The following CTNNA3 variants were observed in gnomAD, a reference collection of about 807,000 sequenced individuals.
CTNNA3 encodes catenin alpha 3, also known as catenin alpha-3.
CTNNA3 carries 76 observed loss-of-function variants against 95.7 expected under a neutral mutation model. That is an observed-to-expected ratio of 0.79 (90% CI 0.66 to 0.96). The LOEUF is 0.96. Ranked by LOEUF, CTNNA3 falls within the 40% of genes least tolerant of loss-of-function variation. The pLI, the probability that CTNNA3 is intolerant of heterozygous loss-of-function variation, is 0.00. For synonymous variants in CTNNA3, 431 were observed against 374.4 expected (o/e 1.15, Z -1.74); for missense variants, 1,191 against 1,089.8 (o/e 1.09, Z -1.31).
chr10:66,449,433 C>A (rs187322802), intron 11 of CTNNA3, among the ~76,000 whole-genome samples: 1 of 152,128 alleles, frequency 6.6e-6, no homozygotes, highest in Non-Finnish European at 1.5e-5. Context: ...ATAATGTGGT[C>A]AAAATTACAT....
At position 66,103,314 on chromosome 10, in the gene CTNNA3, G is replaced by A. The variant is rs551603166; in HGVS notation, c.1885-65C>T. On this transcript the variant is annotated intron_variant, in intron 13 of 17. Transcript: ENST00000433211. The stretch of plus-strand genomic sequence containing the variant: ...AAGCATTTCTTCTTTGGAAAACAAC[G>A]CGGCAGTACCTTAAAAGGGTAATCA... 3.8e-4 allele frequency: 475 copies of A among 1,250,750 alleles called. 8 individuals are homozygous for A. The South Asian group carries it at 5.2e-3, about 14-fold the overall frequency. 77.5% of individuals were successfully genotyped at this position (1,250,750 alleles called of 1,614,324 possible).
At chr10:66,647,685 T>TTC (rs1035729351) in intron 9 of CTNNA3, among the ~76,000 whole-genome samples, 1 of 150,810 alleles carries the variant, frequency 6.6e-6, no homozygotes, top group African/African-American at 2.4e-5. Context: ...TAAATTTTTT[T>TTC]TTTTTTTGTA....
rs370797448 is a variant in CTNNA3 at position 66,338,470 on chromosome 10, G to A, written c.1732+40682C>T. Among the ~76,000 whole-genome samples the A allele has an allele frequency of 4.5e-4, 68 of 151,996 alleles. 1 individual carries two copies. In the South Asian group the frequency reaches 0.014, roughly 31 times the overall value. ...AGAATAAGCCTCAAAAAGTGCTTAG[G>A]CCATTTGGAAAGATCTCTTTTTAAC... is the stretch of plus-strand genomic sequence containing the variant. On this transcript the variant is annotated intron_variant, in intron 12 of 17. Coordinates refer to ENST00000433211, the MANE Select transcript of CTNNA3 (RefSeq NM_013266.4).
At chr10:67,449,035 C>G (rs1276551071) in intron 5 of CTNNA3, among the ~76,000 whole-genome samples, 1 of 151,678 alleles carries the variant, frequency 6.6e-6, no homozygotes, top group East Asian at 1.9e-4. Context: ...TACTATACAC[C>G]AACAACAGTC....
At chr10:67,039,370 T>C (rs1854260896) in intron 7 of CTNNA3, among the ~76,000 whole-genome samples, 2 of 152,098 alleles carry the variant, frequency 1.3e-5, no homozygotes, top group African/African-American at 4.8e-5. Flanking sequence ...AGACAAACAT[T>C]TCCCTGTGCA....
intron 7 of CTNNA3, among the ~76,000 whole-genome samples, chr10:66,824,592 C>T (rs933750219): frequency 6.6e-6 from 1 of 152,118 alleles, no homozygotes; most frequent in Non-Finnish European, 1.5e-5. Flanking sequence ...TCTATATAAT[C>T]CAAGCATAAA....
At position 66,967,267 on chromosome 10, in the gene CTNNA3, G is replaced by C. The variant is rs941104508; in HGVS notation, c.1048-191743C>G. 3.3e-5 allele frequency among the ~76,000 whole-genome samples: 5 copies of C among 151,522 alleles called. No homozygotes were observed. In the South Asian group the frequency reaches 1.0e-3, roughly 32 times the overall value. On this transcript the variant is annotated intron_variant, in intron 7 of 17. Coordinates refer to ENST00000433211, the MANE Select transcript of CTNNA3 (RefSeq NM_013266.4). ...ACAATTAAAACATTGTCTTATATAA[G>C]CCCAGGTCATCTGCTAGTGGATAGA...
At chr10:66,588,049 G>C (rs1303115019) in intron 10 of CTNNA3, among the ~76,000 whole-genome samples, 2 of 152,194 alleles carry the variant, frequency 1.3e-5, no homozygotes, top group Non-Finnish European at 2.9e-5. Flanking sequence ...GAGGTCCCCT[G>C]TGAGGTAGGA....
chr10:66,031,192 A>C (rs796281312), intron 15 of CTNNA3, among the ~76,000 whole-genome samples: 1 of 152,174 alleles, frequency 6.6e-6, no homozygotes, highest in Non-Finnish European at 1.5e-5. Context: ...TTGACCCAGC[A>C]ATCCTATTAT....
At chr10:66,655,386 G>C (rs1387827960) in intron 9 of CTNNA3, among the ~76,000 whole-genome samples, 1 of 151,916 alleles carries the variant, frequency 6.6e-6, no homozygotes, top group Admixed American at 6.6e-5. Flanking sequence ...ACAGAAATGT[G>C]AACATTTTAC....
intron 13 of CTNNA3, among the ~76,000 whole-genome samples, chr10:66,265,716 TA>T (rs2091131044): frequency 6.6e-6 from 1 of 152,006 alleles, no homozygotes; most frequent in Non-Finnish European, 1.5e-5. Context: ...ACTAACTAAC[TA>T]AAATTCGATC....
chr10:67,544,075 G>A (rs764630871), intron 3 of CTNNA3, among the ~76,000 whole-genome samples: 27 of 152,172 alleles, frequency 1.8e-4, no homozygotes, highest in Non-Finnish European at 3.5e-4. Context: ...ACTGCTGTGT[G>A]GACCCAAGGT....
intron 12 of CTNNA3, among the ~76,000 whole-genome samples, chr10:66,333,529 T>G (rs1417618377): frequency 2.6e-5 from 4 of 152,080 alleles, no homozygotes; most frequent in Non-Finnish European, 5.9e-5. Flanking sequence ...TTCCATGTAG[T>G]TGAGTGGTTT....
chr10:66,695,453 G>A (rs1201198322), intron 9 of CTNNA3, among the ~76,000 whole-genome samples: 1 of 152,120 alleles, frequency 6.6e-6, no homozygotes, highest in Non-Finnish European at 1.5e-5. Context: ...GGGAAAATGA[G>A]AGGTTTAAAC....
chr10:67,234,977 A>G (rs1229489472), intron 5 of CTNNA3, among the ~76,000 whole-genome samples: 31 of 148,712 alleles, frequency 2.1e-4, no homozygotes, highest in Admixed American at 2.1e-3. Flanking sequence ...GACCTCTTCA[A>G]GGAGAACTAC....
At chr10:67,636,948 T>C (rs536004007) in intron 2 of CTNNA3, among the ~76,000 whole-genome samples, 43 of 152,170 alleles carry the variant, frequency 2.8e-4, no homozygotes, top group African/African-American at 1.0e-3. Context: ...ATTCTAAAAA[T>C]CAGAGCACCT....
intron 5 of CTNNA3, among the ~76,000 whole-genome samples, chr10:67,383,821 G>A (rs1844040819): frequency 2.0e-5 from 3 of 152,182 alleles, no homozygotes; most frequent in Admixed American, 2.0e-4. Flanking sequence ...ATTAAACAGT[G>A]ACGTTTACTA....
intron 11 of CTNNA3, among the ~76,000 whole-genome samples, chr10:66,380,705 T>C (rs1356926905): frequency 6.6e-6 from 1 of 151,226 alleles, no homozygotes; most frequent in African/African-American, 2.4e-5. Flanking sequence ...TTTAATCATA[T>C]ATGTATTCAT....
chr10:66,443,309 A>G (rs930113008), intron 11 of CTNNA3, among the ~76,000 whole-genome samples: 9 of 152,132 alleles, frequency 5.9e-5, no homozygotes, highest in African/African-American at 2.2e-4. Flanking sequence ...GAAGAGAGTA[A>G]TGGTTCTCCC....
Sources: allele counts gnomAD v4.1 joint callset (sites outside exome capture counted in the v4.1 genomes callset), GRCh38; gene constraint gnomAD v4.1.1; transcripts MANE v1.5; gene names NCBI Gene and HGNC (gene_info 2026-07-23, HGNC 2026-07-21).